Variants in SLC35F1 observed in about 807,000 individuals in gnomAD.
SLC35F1 encodes the protein solute carrier family 35 member F1.
Under a neutral mutation model 48.7 loss-of-function variants are expected in SLC35F1, and 14 were observed. That is an observed-to-expected ratio of 0.29 (90% confidence interval 0.19 to 0.45). The LOEUF is 0.45. Among genes scored for constraint, SLC35F1 ranks in the 20% least tolerant of loss-of-function variants. The pLI is 1.00. For missense variants in SLC35F1, 404 were observed against 500.0 expected (o/e 0.81, Z 1.83); for synonymous variants, 190 against 202.2 (o/e 0.94, Z 0.51).
intron 1 of SLC35F1, among the ~76,000 whole-genome samples, chr6:118,061,915 T>A (rs1327871101): frequency 6.6e-6 from 1 of 152,156 alleles, no homozygotes; most frequent in African/African-American, 2.4e-5. Flanking sequence ...AAAGCTCACT[T>A]GCCTGCCGCT....
intron 2 of SLC35F1, among the ~76,000 whole-genome samples, chr6:118,212,768 AAGGAAGGAAG>A (rs1775021337): frequency 7.6e-6 from 1 of 131,816 alleles, no homozygotes; most frequent in African/African-American, 2.9e-5. Context: ...GGAAGGAAGG[AAGGAAGGAAG>A]GAAGGAAGGA....
In SLC35F1 at chr6:117,967,341, A is replaced by C. The variant is rs74579214; in HGVS notation, c.173+59442A>C. Reference sequence around the variant, plus strand: ...AAAAATTTTTACTATATTTCTAAAAAATGAATAAACAGGATTCTGTCATCA... The same window carrying C: ...AAAAATTTTTACTATATTTCTAAAACATGAATAAACAGGATTCTGTCATCA... On this transcript the variant is annotated intron_variant, in intron 1 of 7. Coordinates refer to ENST00000360388, the MANE Select transcript of SLC35F1 (RefSeq NM_001029858.4). Among the ~76,000 whole-genome samples the C allele has an allele frequency of 9.0e-3, 1,375 of 152,328 alleles. 24 individuals carry two copies. Among genetic ancestry groups the C allele is most frequent in the African/African-American group, 0.031 (1,308 of 41,568 alleles).
intron 1 of SLC35F1, among the ~76,000 whole-genome samples, chr6:118,041,946 A>T (rs1051099894): frequency 1.0e-5 from 1 of 96,554 alleles, no homozygotes; most frequent in Non-Finnish European, 2.3e-5. Flanking sequence ...CATCTTCTTT[A>T]AAAAAAAAAA....
At position 118,098,306 on chromosome 6, in the gene SLC35F1, G is replaced by A. The variant is rs144248137; in HGVS notation, c.174-56139G>A. Among the ~76,000 whole-genome samples, 910 of 152,212 alleles carry A rather than the reference G, an allele frequency of 6.0e-3. 11 individuals are homozygous for A. The highest frequency in any genetic ancestry group is 0.02 in the African/African-American group (836 of 41,542). Reference sequence around the variant, plus strand: ...GTCCTGAAGACTTAAATCAGAATACGTAACCCATAAATGGTAGCTCTAGCA... The same window carrying A: ...GTCCTGAAGACTTAAATCAGAATACATAACCCATAAATGGTAGCTCTAGCA... On this transcript the variant is annotated intron_variant, in intron 1 of 7. Coordinates refer to ENST00000360388, the MANE Select transcript of SLC35F1 (RefSeq NM_001029858.4).
chr6:118,304,004 A>G (rs930445060), intron 7 of SLC35F1, among the ~76,000 whole-genome samples: 17 of 152,172 alleles, frequency 1.1e-4, no homozygotes, highest in Non-Finnish European at 2.4e-4. Context: ...CTTTTTCCAA[A>G]TATTGTAATG....
chr6:118,008,105 A>G (rs542039595), intron 1 of SLC35F1, among the ~76,000 whole-genome samples: 2 of 152,114 alleles, frequency 1.3e-5, no homozygotes, highest in Non-Finnish European at 2.9e-5. Flanking sequence ...GTCAGCTACA[A>G]CAGAGTCTTC....
intron 3 of SLC35F1, among the ~76,000 whole-genome samples, chr6:118,238,368 T>C (rs1043066174): frequency 4.6e-5 from 7 of 151,736 alleles, no homozygotes; most frequent in Non-Finnish European, 8.8e-5. Context: ...GGCCAGAGGA[T>C]TGCTTGAGGC....
At chr6:118,145,650 T>C (rs900150622) in intron 1 of SLC35F1, among the ~76,000 whole-genome samples, 3 of 152,222 alleles carry the variant, frequency 2.0e-5, no homozygotes, top group African/African-American at 7.2e-5. Context: ...TTATTTCCAT[T>C]TTTATTAAAG....
At chr6:118,107,779 G>A (rs1773346023) in intron 1 of SLC35F1, among the ~76,000 whole-genome samples, 1 of 151,998 alleles carries the variant, frequency 6.6e-6, no homozygotes, top group South Asian at 2.1e-4. Context: ...GATCAGAATT[G>A]TCTGTGTAGG....
chr6:118,050,024 A>C (rs1005110339), intron 1 of SLC35F1, among the ~76,000 whole-genome samples: 123 of 152,328 alleles, frequency 8.1e-4, no homozygotes, highest in Non-Finnish European at 1.3e-3. Flanking sequence ...ACCATGGAAT[A>C]CTATGCAGCC....
At chr6:117,923,732 TATATATAC>T (rs1775965483) in intron 1 of SLC35F1, among the ~76,000 whole-genome samples, 1 of 87,310 alleles carries the variant, frequency 1.1e-5, no homozygotes, top group Admixed American at 1.5e-4. Flanking sequence ...TATACATATG[TATATATAC>T]ATATATGTAC....
At chr6:118,055,517 T>C (rs1483855578) in intron 1 of SLC35F1, among the ~76,000 whole-genome samples, 1 of 152,172 alleles carries the variant, frequency 6.6e-6, no homozygotes, top group Non-Finnish European at 1.5e-5. Context: ...TTTTGATTTT[T>C]CCAAGTTAAT....
chr6:118,211,063 A>G (rs1774995433), intron 2 of SLC35F1, among the ~76,000 whole-genome samples: 1 of 152,200 alleles, frequency 6.6e-6, no homozygotes, highest in East Asian at 1.9e-4. Flanking sequence ...GGAAAATACT[A>G]TCTGGAAGAC....
chr6:118,302,276 T>C (rs962596823), intron 7 of SLC35F1, among the ~76,000 whole-genome samples: 12 of 152,100 alleles, frequency 7.9e-5, no homozygotes, highest in African/African-American at 2.9e-4. Context: ...CAGTAGCTTA[T>C]AAAGAACAGT....
chr6:118,117,131 G>A (rs2114394376), intron 1 of SLC35F1, among the ~76,000 whole-genome samples: 1 of 152,302 alleles, frequency 6.6e-6, no homozygotes, highest in South Asian at 2.1e-4. Context: ...TTACCAAAAT[G>A]AGATGGTCAT....
intron 2 of SLC35F1, among the ~76,000 whole-genome samples, chr6:118,200,163 C>CATACATAT (rs1774854997): frequency 1.3e-5 from 1 of 75,996 alleles, no homozygotes; most frequent in Admixed American, 1.4e-4. Flanking sequence ...TACATATATA[C>CATACATAT]ATACATACAT....
chr6:118,000,109 A>G (rs1258551923), intron 1 of SLC35F1, among the ~76,000 whole-genome samples: 13 of 152,228 alleles, frequency 8.5e-5, no homozygotes, highest in Admixed American at 7.2e-4. Context: ...CGAGGCCAGC[A>G]TCATCCTGAT....
At chr6:118,119,420 C>T (rs750904705) in intron 1 of SLC35F1, among the ~76,000 whole-genome samples, 37 of 151,206 alleles carry the variant, frequency 2.4e-4, no homozygotes, top group Admixed American at 1.5e-3. Flanking sequence ...TAATCTCAGT[C>T]TTGACAGTTT....
chr6:117,939,229 C>T (rs959045770), intron 1 of SLC35F1, among the ~76,000 whole-genome samples: 8 of 152,052 alleles, frequency 5.3e-5, no homozygotes, highest in Non-Finnish European at 1.2e-4. Context: ...CCAAGCTATA[C>T]TTGAATTCTG....
Sources: allele counts gnomAD v4.1 joint callset (sites outside exome capture counted in the v4.1 genomes callset), GRCh38; gene constraint gnomAD v4.1.1; transcripts MANE v1.5; gene names NCBI Gene and HGNC (gene_info 2026-07-23, HGNC 2026-07-21).